The following NFIA variants were observed in gnomAD, a reference collection of about 807,000 sequenced individuals.
The protein encoded by NFIA is nuclear factor 1 A-type.
In NFIA, 8 loss-of-function variants were observed where a neutral mutation model predicts 62.8. The observed-to-expected ratio is 0.13, with a 90% CI of 0.07 to 0.23. The LOEUF (loss-of-function observed/expected upper bound fraction) is 0.23, where lower values mean the gene tolerates loss of function less well. NFIA is among the 10% of genes least tolerant of loss of function. The pLI is 1.00. For missense variants in NFIA, 410 were observed against 642.1 expected, an observed-to-expected ratio of 0.64 and a Z score of 3.91; for synonymous variants, 235 against 238.1, an observed-to-expected ratio of 0.99 and a Z score of 0.12.
intron 2 of NFIA, among the ~76,000 whole-genome samples, chr1:61,154,615 T>C (rs1648661782): frequency 6.6e-6 from 1 of 152,182 alleles, no homozygotes; most frequent in African/African-American, 2.4e-5. Flanking sequence ...CCTGCCTGGC[T>C]AATTTTTTTG....
At chr1:61,340,806 G>A (rs2100409235) in intron 4 of NFIA, among the ~76,000 whole-genome samples, 1 of 152,306 alleles carries the variant, frequency 6.6e-6, no homozygotes, top group Middle Eastern at 3.4e-3. Flanking sequence ...TACGGAGTTA[G>A]TAATTCCAAT....
chr1:61,102,367 AC>A (rs1195907415), intron 2 of NFIA, among the ~76,000 whole-genome samples: 2 of 152,210 alleles, frequency 1.3e-5, no homozygotes, highest in African/African-American at 4.8e-5. Flanking sequence ...TACAAATCTC[AC>A]AATTTACTTG....
In NFIA at chr1:61,250,402, T is replaced by C. The variant is rs67412653; in HGVS notation, c.560-27118T>C. 3.7e-3 allele frequency among the ~76,000 whole-genome samples: 559 copies of C among 152,320 alleles called. 1 individual carries two copies. The highest frequency in any genetic ancestry group is 0.013 in the African/African-American group (530 of 41,582). Reference sequence around the variant, plus strand: ...AACTTTTTGGCCTCTCTTTTTGTTCTGCTCCCCAAGAGCAATGTAAATGTT... The same window carrying C: ...AACTTTTTGGCCTCTCTTTTTGTTCCGCTCCCCAAGAGCAATGTAAATGTT... On this transcript the variant is annotated intron_variant, in intron 2 of 10. Transcript: ENST00000403491.
chr1:61,357,549 G>A (rs913417397), intron 5 of NFIA, among the ~76,000 whole-genome samples: 8 of 152,122 alleles, frequency 5.3e-5, no homozygotes, highest in South Asian at 2.1e-4. Context: ...CCCTCTTGAA[G>A]ATAGCTCAGG....
chr1:61,354,400 C>G (rs17121983), intron 5 of NFIA, among the ~76,000 whole-genome samples: 13,643 of 152,008 alleles, frequency 0.09, 777 homozygotes, highest in African/African-American at 0.16. Context: ...AAATGTTCAC[C>G]GATCAATATG....
chr1:61,267,178 T>G (rs1259415294), intron 2 of NFIA, among the ~76,000 whole-genome samples: 1 of 152,202 alleles, frequency 6.6e-6, no homozygotes, highest in Non-Finnish European at 1.5e-5. Context: ...TATGCAATTG[T>G]TTCTAAGGAG....
intron 8 of NFIA, among the ~76,000 whole-genome samples, chr1:61,405,676 C>T (rs767041845): frequency 3.3e-5 from 5 of 152,176 alleles, no homozygotes; most frequent in Admixed American, 6.5e-5. Context: ...ATAGTCCTGA[C>T]ACCCTATATA....
intron 3 of NFIA, among the ~76,000 whole-genome samples, chr1:61,286,937 A>G (rs976922725): frequency 2.6e-5 from 4 of 152,198 alleles, no homozygotes; most frequent in Non-Finnish European, 5.9e-5. Flanking sequence ...GCCCTGAGAC[A>G]TGCTGGAAGA....
chr1:61,137,206 G>A (rs1647211861), intron 2 of NFIA, among the ~76,000 whole-genome samples: 1 of 152,214 alleles, frequency 6.6e-6, no homozygotes. Flanking sequence ...GCCAAATGGA[G>A]AGAGTAGGTT....
intron 2 of NFIA, among the ~76,000 whole-genome samples, chr1:61,265,445 A>T (rs1461055614): frequency 6.6e-6 from 1 of 152,296 alleles, no homozygotes; most frequent in Admixed American, 6.5e-5. Flanking sequence ...GCCTATTTCC[A>T]CTTAGGAAAG....
At chr1:61,125,983 T>C (rs529382441) in intron 2 of NFIA, among the ~76,000 whole-genome samples, 2 of 152,308 alleles carry the variant, frequency 1.3e-5, no homozygotes, top group African/African-American at 4.8e-5. Flanking sequence ...GAGTACCTAG[T>C]ATCTGCAAGA....
chr1:61,316,095 ATTGTCGAG>A (rs758928829), intron 3 of NFIA, among the ~76,000 whole-genome samples: 1 of 152,166 alleles, frequency 6.6e-6, no homozygotes, highest in Non-Finnish European at 1.5e-5. Flanking sequence ...GAAAGTCCAA[ATTGTCGAG>A]TTTATATTTA....
At chr1:61,358,715 G>A (rs908222960) in intron 5 of NFIA, among the ~76,000 whole-genome samples, 6 of 152,058 alleles carry the variant, frequency 3.9e-5, no homozygotes, top group Admixed American at 2.0e-4. Flanking sequence ...GAAGGATCAC[G>A]AGCCCTGCTT....
intron 2 of NFIA, among the ~76,000 whole-genome samples, chr1:61,203,948 G>A (rs1015132300): frequency 2.0e-5 from 3 of 152,164 alleles, no homozygotes; most frequent in African/African-American, 7.2e-5. Context: ...CCATATTTCA[G>A]GGCAGATATT....
intron 2 of NFIA, among the ~76,000 whole-genome samples, chr1:61,179,517 G>A (rs960509354): frequency 7.9e-5 from 12 of 152,196 alleles, no homozygotes; most frequent in Non-Finnish European, 1.2e-4. Flanking sequence ...ATGATAAAGC[G>A]ACATGCCACC....
intron 3 of NFIA, among the ~76,000 whole-genome samples, chr1:61,308,094 C>A (rs1659899624): frequency 1.3e-5 from 2 of 152,124 alleles, no homozygotes; most frequent in South Asian, 4.1e-4. Context: ...GGATGAAGGA[C>A]AAGTCTAGCA....
chr1:61,293,275 G>T (rs147707714), intron 3 of NFIA, among the ~76,000 whole-genome samples: 70 of 152,268 alleles, frequency 4.6e-4, no homozygotes, highest in African/African-American at 1.7e-3. Flanking sequence ...GTGCCATCAA[G>T]ATATTTCCCA....
At chr1:61,349,872 C>T (rs1005311032) in intron 4 of NFIA, among the ~76,000 whole-genome samples, 1 of 152,120 alleles carries the variant, frequency 6.6e-6, no homozygotes, top group Non-Finnish European at 1.5e-5. Flanking sequence ...TGATTATAGG[C>T]GTGAGCCACC....
intron 2 of NFIA, among the ~76,000 whole-genome samples, chr1:61,199,878 G>A (rs1322241739): frequency 2.0e-5 from 3 of 150,788 alleles, no homozygotes; most frequent in Non-Finnish European, 3.0e-5. Context: ...GCCTGTAATC[G>A]CAGCTACTCT....
Sources: gnomAD v4.1 joint callset for allele counts (sites outside exome capture counted in the v4.1 genomes callset) on GRCh38, gnomAD v4.1.1 for gene constraint, MANE v1.5 for transcripts, NCBI Gene and HGNC (gene_info 2026-07-23, HGNC 2026-07-21) for gene names.